MAPKAPK2: variants seen among roughly 807,000 people sequenced by gnomAD.
MAPKAPK2 encodes MAPK activated protein kinase 2.
Under a neutral mutation model 48.8 loss-of-function variants are expected in MAPKAPK2, and 9 were observed. The ratio of observed to expected loss-of-function variants is 0.18; its 90% confidence interval spans 0.11 to 0.32. The LOEUF (loss-of-function observed/expected upper bound fraction) is 0.32. MAPKAPK2 is among the 10% of genes least tolerant of loss of function. MAPKAPK2 has a pLI of 1.00. For synonymous variants in MAPKAPK2, 202 were observed against 190.6 expected, an observed-to-expected ratio of 1.06 and a Z score of -0.49; for missense variants, 331 against 498.3, an observed-to-expected ratio of 0.66 and a Z score of 3.20.
chr1:206,691,063 AC>A (rs58398805), intron 1 of MAPKAPK2, among the ~76,000 whole-genome samples: 19,467 of 152,126 alleles, frequency 0.13, 1,732 homozygotes, highest in East Asian at 0.49. Context: ...TGGCAAAGCA[AC>A]CCACACTTCA....
intron 1 of MAPKAPK2, among the ~76,000 whole-genome samples, chr1:206,727,913 G>A (rs1019994151): frequency 2.6e-5 from 4 of 152,138 alleles, no homozygotes; most frequent in Non-Finnish European, 5.9e-5. Flanking sequence ...ACGAGCCACC[G>A]TGCCCGGCAG....
In MAPKAPK2 at chr1:206,730,057, A is replaced by G. The variant is rs1230915063; in HGVS notation, c.650A>G (p.His217Arg). 4 of 1,614,148 alleles carry G rather than the reference A, an allele frequency of 2.5e-6. No homozygotes were observed. The highest frequency in any genetic ancestry group is 3.4e-6 in the Non-Finnish European group (4 of 1,180,052). Reference protein sequence around the residue: ...DFGFAKETTSHNSLTTPCYTP... With the variant: ...DFGFAKETTSRNSLTTPCYTP... ...GGCTTTGCCAAGGAAACCACCAGCC[A>G]CAACTCTTTGACCACTCCTTGTTAT... The change falls in exon 5 of 10, where the codon CAC becomes CGC. Residue 217 changes from histidine to arginine, a missense_variant. By Grantham distance (29) the His-to-Arg change is conservative. Coordinates refer to ENST00000367103, the MANE Select transcript of MAPKAPK2 (RefSeq NM_032960.4).
At chr1:206,685,620 C>CGGCGG (rs1238474416) in intron 1 of MAPKAPK2, 112 bp downstream of exon 1, 9 of 854,268 alleles carry the variant, frequency 1.1e-5, no homozygotes, top group Admixed American at 6.1e-5. Flanking sequence ...GGGGTGGCCG[C>CGGCGG]GGCGGGGCGG....
chr1:206,699,279 C>T (rs1241003178), intron 1 of MAPKAPK2, among the ~76,000 whole-genome samples: 2 of 152,040 alleles, frequency 1.3e-5, no homozygotes, highest in African/African-American at 4.8e-5. Context: ...TGTCTGGGCA[C>T]CAGGGTGGCC....
chr1:206,709,966 T>G (rs574434335), intron 1 of MAPKAPK2, among the ~76,000 whole-genome samples: 1 of 152,282 alleles, frequency 6.6e-6, no homozygotes, highest in South Asian at 2.1e-4. Flanking sequence ...TGAGAACTAT[T>G]CCCAAGGTGT....
intron 1 of MAPKAPK2, among the ~76,000 whole-genome samples, chr1:206,716,101 T>A (rs1553430322): frequency 7.5e-6 from 1 of 132,594 alleles, no homozygotes; most frequent in African/African-American, 3.2e-5. Flanking sequence ...AGCTGAAGTA[T>A]TTTTTTTTTT....
At chr1:206,706,435 G>A (rs528707610) in intron 1 of MAPKAPK2, among the ~76,000 whole-genome samples, 184 of 152,254 alleles carry the variant, frequency 1.2e-3, no homozygotes, top group African/African-American at 4.2e-3. Flanking sequence ...TGGGTGGGCC[G>A]GGCTTTGGTT....
At chr1:206,695,548 C>A (rs781805738) in intron 1 of MAPKAPK2, among the ~76,000 whole-genome samples, 1 of 151,612 alleles carries the variant, frequency 6.6e-6, no homozygotes, top group Non-Finnish European at 1.5e-5. Context: ...TTTCCACCCC[C>A]ACACCTTAGC....
chr1:206,729,427 G>A lies in MAPKAPK2; in HGVS notation c.516G>A (p.Glu172=). The A allele has an allele frequency of 1.2e-6, 2 of 1,614,116 alleles. No homozygotes were observed. The highest frequency in any genetic ancestry group is 1.7e-5 in the Admixed American group (1 of 60,022). The change falls in exon 4 of 10, where the codon GAG becomes GAA. Residue 172 remains glutamate (E), a synonymous_variant. Transcript: ENST00000367103. ...CCGAAATCATGAAGAGCATCGGTGA[G>A]GCCATCCAGTATCTGCATTCAATCA... ...EASEIMKSIG[E]AIQYLHSINI... is the part of the protein sequence containing the mutation.
intron 1 of MAPKAPK2, among the ~76,000 whole-genome samples, chr1:206,709,939 G>A (rs1196248907): frequency 1.3e-5 from 2 of 152,036 alleles, no homozygotes; most frequent in Non-Finnish European, 2.9e-5. Flanking sequence ...CCCCTGGGGG[G>A]CAAATTAACA....
chr1:206,708,752 C>T (rs955140863), intron 1 of MAPKAPK2, among the ~76,000 whole-genome samples: 3 of 152,136 alleles, frequency 2.0e-5, no homozygotes, highest in Non-Finnish European at 4.4e-5. Flanking sequence ...CTAATTAATT[C>T]CCTCGTGTTG....
In MAPKAPK2 at chr1:206,730,114, G is replaced by A. The variant is rs1391077845; in HGVS notation, c.691+16G>A. The A allele has an allele frequency of 1.2e-6, 2 of 1,613,908 alleles. No homozygotes were observed. The highest frequency in any genetic ancestry group is 1.7e-6 in the Non-Finnish European group (2 of 1,179,986). ...TACTATGTGGGTAAGTCCACAGGGG[G>A]CCCAGGGACCTAGGCTTTTCCCAGA... On this transcript the variant is annotated intron_variant, in intron 5 of 9. Transcript: ENST00000367103.
chr1:206,729,780 A>G lies in MAPKAPK2; in HGVS notation c.565-192A>G, dbSNP rs111540466. On this transcript the variant is annotated intron_variant, in intron 4 of 9. Coordinates refer to ENST00000367103, the MANE Select transcript of MAPKAPK2 (RefSeq NM_032960.4). Reference sequence around the variant, plus strand: ...TTCTGTGTGTCAGTCTGTTATCTCCAGGCACTCTGGAAACCCTGCAGAGGC... The same window carrying G: ...TTCTGTGTGTCAGTCTGTTATCTCCGGGCACTCTGGAAACCCTGCAGAGGC... Among the ~76,000 whole-genome samples, 36 of 152,316 alleles carry G rather than the reference A, an allele frequency of 2.4e-4. 2 individuals are homozygous for G. The highest frequency in any genetic ancestry group is 6.7e-4 in the African/African-American group (28 of 41,556).
chr1:206,717,104 T>G (rs4256810), intron 1 of MAPKAPK2, among the ~76,000 whole-genome samples: 1 of 152,176 alleles, frequency 6.6e-6, no homozygotes, highest in Non-Finnish European at 1.5e-5. Flanking sequence ...TAAACTAATA[T>G]TACCAGCTCA....
intron 1 of MAPKAPK2, chr1:206,695,985 G>A: frequency 1.3e-6 from 1 of 746,122 alleles, no homozygotes; most frequent in Non-Finnish European, 2.5e-6. Context: ...TCCTCCTATG[G>A]CTCGGAGTTC....
intron 1 of MAPKAPK2, among the ~76,000 whole-genome samples, chr1:206,691,710 G>A (rs1167506684): frequency 1.3e-5 from 2 of 151,968 alleles, no homozygotes; most frequent in African/African-American, 2.4e-5. Context: ...CCTGAGCACC[G>A]GCAGGGTGAG....
chr1:206,722,454 G>A (rs919674170), intron 1 of MAPKAPK2, among the ~76,000 whole-genome samples: 9 of 152,148 alleles, frequency 5.9e-5, no homozygotes, highest in South Asian at 2.1e-4. Context: ...CTGTTGACCC[G>A]AAGCCTTACT....
intron 1 of MAPKAPK2, among the ~76,000 whole-genome samples, chr1:206,711,065 G>T (rs1673125822): frequency 6.6e-6 from 1 of 152,142 alleles, no homozygotes; most frequent in Admixed American, 6.5e-5. Context: ...GCTTTGCATG[G>T]TCATTTTTAT....
intron 1 of MAPKAPK2, chr1:206,695,793 G>A (rs151279480): frequency 4.7e-4 from 128 of 273,558 alleles, no homozygotes; most frequent in African/African-American, 2.2e-3. Context: ...TAACAGGAAG[G>A]TAATTTATTA....
Sources: allele counts gnomAD v4.1 joint callset (sites outside exome capture counted in the v4.1 genomes callset), GRCh38; gene constraint gnomAD v4.1.1; transcripts MANE v1.5; gene names NCBI Gene and HGNC (gene_info 2026-07-23, HGNC 2026-07-21).